Variants in SDHAF3 observed in about 807,000 individuals in gnomAD.
SDHAF3 encodes the protein succinate dehydrogenase assembly factor 3, mitochondrial.
In SDHAF3, 18 loss-of-function variants were observed where a neutral mutation model predicts 11.5. The ratio of observed to expected loss-of-function variants is 1.56; its 90% CI spans 1.08 to 2.32. SDHAF3 has a LOEUF of 2.32. Ranked by LOEUF, SDHAF3 falls within the 30% of genes most tolerant of loss-of-function variation. SDHAF3 has a pLI of 0.00. For synonymous variants in SDHAF3, 72 were observed against 59.3 expected, an observed-to-expected ratio of 1.21 and a Z score of -0.99; for missense variants, 200 against 154.4, an observed-to-expected ratio of 1.30 and a Z score of -1.57.
At chr7:97,173,190 G>T (rs1562831942) in intron 1 of SDHAF3, among the ~76,000 whole-genome samples, 1 of 152,188 alleles carries the variant, frequency 6.6e-6, no homozygotes, top group Non-Finnish European at 1.5e-5. Context: ...GGGAAGCTTT[G>T]TTGAGAAGAA....
At chr7:97,156,199 C>A (rs1179368567) in intron 1 of SDHAF3, among the ~76,000 whole-genome samples, 1 of 152,132 alleles carries the variant, frequency 6.6e-6, no homozygotes, top group Non-Finnish European at 1.5e-5. Flanking sequence ...GTTTCTCAGC[C>A]TTTCCCTGTT....
intron 1 of SDHAF3, among the ~76,000 whole-genome samples, chr7:97,153,674 T>C (rs1789258989): frequency 6.6e-6 from 1 of 152,246 alleles, no homozygotes; most frequent in Admixed American, 6.5e-5. Context: ...CAGCGGTGAA[T>C]GAGAGTTTCT....
In SDHAF3 at chr7:97,149,286, C is replaced by G. The variant is rs117405043; in HGVS notation, c.174+31389C>G. ...TAGTCTGTGAGATTGGAGTAGTCTC[C>G]ATGTTGCATGTTTATTATCAACTGG... is the stretch of plus-strand genomic sequence containing the variant. On this transcript the variant is annotated intron_variant, in intron 1 of 1. Coordinates refer to ENST00000432641, the MANE Select transcript of SDHAF3 (RefSeq NM_020186.3). Among the ~76,000 whole-genome samples, 1,488 of 152,102 alleles carry G rather than the reference C, an allele frequency of 9.8e-3. 69 individuals carry two copies. Among genetic ancestry groups the G allele is most frequent in the Admixed American group, 0.078 (1,194 of 15,258 alleles).
In SDHAF3 at chr7:97,167,044, A is replaced by ATT. The variant is rs71131005; in HGVS notation, c.175-13956_175-13955dup. ...TGATAAAATTTTACAACTTTCAGTG[A>ATT]TTTTTTTTTTTTTCTTTTCATGCCA... On this transcript the variant is annotated intron_variant, in intron 1 of 1. Transcript: ENST00000432641. Among the ~76,000 whole-genome samples the ATT allele has an allele frequency of 4.4e-3, 649 of 147,630 alleles. 4 individuals carry two copies. The highest frequency in any genetic ancestry group is 0.014 in the South Asian group (65 of 4,664).
rs3029495 is a variant in SDHAF3, at chr7:97,143,665, C to CTGTGTGTGTGTGTG, written c.174+25790_174+25803dup. Among the ~76,000 whole-genome samples, 227 of 148,042 alleles carry CTGTGTGTGTGTGTG rather than the reference C, an allele frequency of 1.5e-3. 2 individuals carry two copies. Among genetic ancestry groups the CTGTGTGTGTGTGTG allele is most frequent in the African/African-American group, 5.4e-3 (217 of 39,858 alleles). On this transcript the variant is annotated intron_variant, in intron 1 of 1. Transcript: ENST00000432641. ...CTTTTTAGGGCTGAGTAGTGTTCCA[C>CTGTGTGTGTGTGTG]TGTGTGTGTGTGTGTGTGTGTGTGT...
intron 1 of SDHAF3, among the ~76,000 whole-genome samples, chr7:97,154,580 T>C (rs1422439862): frequency 5.3e-5 from 8 of 152,210 alleles, no homozygotes. Context: ...TAGTTTGTTT[T>C]TTTATCCTTT....
intron 1 of SDHAF3, among the ~76,000 whole-genome samples, chr7:97,142,305 G>A (rs1186873596): frequency 1.3e-5 from 2 of 151,768 alleles, no homozygotes; most frequent in Non-Finnish European, 2.9e-5. Flanking sequence ...TGCCCACCTC[G>A]GCCTCCCAAA....
rs1211508851 is a variant in SDHAF3, at chr7:97,135,664, GTGTGTA to G, written c.174+17769_174+17774del. 3.4e-3 allele frequency: 298 copies of G among 86,824 alleles called. 2 individuals carry two copies. Among genetic ancestry groups the G allele is most frequent in the African/African-American group, 0.016 (285 of 17,386 alleles). The allele number at this position is 86,824 out of a possible 1,614,324, so 5.4% of individuals were successfully genotyped here. On this transcript the variant is annotated intron_variant, in intron 1 of 1. Transcript: ENST00000432641. ...TGTGTGTGTGTGTGTGTGTGTGTGT[GTGTGTA>G]TATATATATATATTTTTTTTTTTTT...
chr7:97,176,568 A>T (rs577522877), intron 1 of SDHAF3, among the ~76,000 whole-genome samples: 11 of 151,754 alleles, frequency 7.2e-5, no homozygotes, highest in Non-Finnish European at 1.3e-4. Context: ...TATTTTGGCC[A>T]TTTTTCTCTC....
chr7:97,132,469 C>A (rs971259730), intron 1 of SDHAF3, among the ~76,000 whole-genome samples: 4 of 152,038 alleles, frequency 2.6e-5, no homozygotes, highest in Non-Finnish European at 5.9e-5. Context: ...CTATTTGGTA[C>A]CTATCATCAG....
intron 1 of SDHAF3, among the ~76,000 whole-genome samples, chr7:97,165,503 CT>C (rs1789489109): frequency 6.6e-6 from 1 of 151,512 alleles, no homozygotes; most frequent in Admixed American, 6.6e-5. Context: ...TTTAATAATA[CT>C]TTTTTTGTGA....
At chr7:97,150,380 A>G (rs1186221048) in intron 1 of SDHAF3, among the ~76,000 whole-genome samples, 1 of 152,186 alleles carries the variant, frequency 6.6e-6, no homozygotes, top group Non-Finnish European at 1.5e-5. Flanking sequence ...ATAGTCTTTC[A>G]AAATGTATTT....
At chr7:97,143,407 A>C (rs2115672973) in intron 1 of SDHAF3, among the ~76,000 whole-genome samples, 1 of 152,126 alleles carries the variant, frequency 6.6e-6, no homozygotes, top group South Asian at 2.1e-4. Context: ...CCATCACCCG[A>C]GCAGTATACA....
intron 1 of SDHAF3, among the ~76,000 whole-genome samples, chr7:97,137,852 G>T (rs1383894240): frequency 2.8e-5 from 4 of 142,550 alleles, no homozygotes; most frequent in South Asian, 4.4e-4. Flanking sequence ...TCCTTCATAT[G>T]CCCTCATTCC....
In SDHAF3 at chr7:97,117,775, C is replaced by T. The variant is rs1340123711; in HGVS notation, c.52C>T (p.Gln18Ter). ...RVRALYKRVL[Q>*]LHRVLPPDLK... Reference sequence around the variant, plus strand: ...CCGGGCATTGTACAAGCGCGTCTTGCAGCTGCACCGTGTTCTGCCCCCGGA... The same window carrying T: ...CCGGGCATTGTACAAGCGCGTCTTGTAGCTGCACCGTGTTCTGCCCCCGGA... The change falls in exon 1 of 2, where the codon CAG becomes TAG. Residue 18 changes from glutamine (Q) to a stop codon, truncating the protein, a stop_gained. Coordinates refer to ENST00000432641, the MANE Select transcript of SDHAF3 (RefSeq NM_020186.3). LOFTEE classifies it high-confidence loss of function. 9 of 1,614,064 alleles carry T rather than the reference C, an allele frequency of 5.6e-6. No homozygotes were observed. Among genetic ancestry groups the T allele is most frequent in the Admixed American group, 1.7e-5 (1 of 60,016 alleles).
chr7:97,148,278 T>C (rs1789166999), intron 1 of SDHAF3, among the ~76,000 whole-genome samples: 1 of 152,200 alleles, frequency 6.6e-6, no homozygotes, highest in Non-Finnish European at 1.5e-5. Context: ...CTTGCAACTA[T>C]AATCCTAGCA....
chr7:97,179,802 G>C (rs1789742875), intron 1 of SDHAF3, among the ~76,000 whole-genome samples: 1 of 146,598 alleles, frequency 6.8e-6, no homozygotes, highest in Non-Finnish European at 1.5e-5. Context: ...GATAAAACTT[G>C]AAATGTTTTC....
At chr7:97,130,270 TAAA>T (rs11410661) in intron 1 of SDHAF3, among the ~76,000 whole-genome samples, 329 of 122,738 alleles carry the variant, frequency 2.7e-3, no homozygotes, top group African/African-American at 9.4e-3. Context: ...ATACCCAGTC[TAAA>T]AAAAAAAAAA....
chr7:97,124,218 C>T (rs557178868), intron 1 of SDHAF3, among the ~76,000 whole-genome samples: 4 of 152,246 alleles, frequency 2.6e-5, no homozygotes, highest in African/African-American at 9.6e-5. Context: ...TATGGCTAGC[C>T]AGTTTTCCCA....
Sources: allele counts gnomAD v4.1 joint callset (sites outside exome capture counted in the v4.1 genomes callset), GRCh38; gene constraint gnomAD v4.1.1; transcripts MANE v1.5; gene names NCBI Gene and HGNC (gene_info 2026-07-23, HGNC 2026-07-21).